Variants in SRPK2 observed in about 807,000 individuals in gnomAD.
SRPK2 encodes the protein SRSF protein kinase 2, also known as SFRS protein kinase 2.
In SRPK2, 21 loss-of-function variants were observed where a neutral mutation model predicts 90.8. The ratio of observed to expected loss-of-function variants is 0.23; its 90% CI spans 0.16 to 0.33. SRPK2 has a LOEUF of 0.33. Among genes scored for constraint, SRPK2 ranks in the 10% least tolerant of loss-of-function variants. SRPK2 has a pLI of 1.00. For synonymous variants in SRPK2, 288 were observed against 311.1 expected (o/e 0.93, Z 0.78); for missense variants, 620 against 869.0 (o/e 0.71, Z 3.60).
At chr7:105,210,029 AACTC>A (rs768068409) in intron 2 of SRPK2, among the ~76,000 whole-genome samples, 4 of 152,184 alleles carry the variant, frequency 2.6e-5, no homozygotes, top group Non-Finnish European at 5.9e-5. Context: ...AGGGAGGAAA[AACTC>A]AACAACCGAG....
At chr7:105,190,861 C>A (rs2129604556) in intron 3 of SRPK2, among the ~76,000 whole-genome samples, 1 of 152,286 alleles carries the variant, frequency 6.6e-6, no homozygotes, top group South Asian at 2.1e-4. Context: ...CAACATCTTC[C>A]CCAATCCAAC....
intron 2 of SRPK2, among the ~76,000 whole-genome samples, chr7:105,266,726 G>A (rs1221817917): frequency 6.6e-6 from 1 of 152,032 alleles, no homozygotes; most frequent in Non-Finnish European, 1.5e-5. Context: ...TAATGATAAT[G>A]CTACATGATA....
chr7:105,224,966 C>T (rs1430207732), intron 2 of SRPK2, among the ~76,000 whole-genome samples: 2 of 152,154 alleles, frequency 1.3e-5, no homozygotes, highest in African/African-American at 4.8e-5. Context: ...GAAAACTTCC[C>T]TTTCCTTACT....
At chr7:105,369,021 AG>A (rs998922541) in intron 2 of SRPK2, among the ~76,000 whole-genome samples, 5 of 151,938 alleles carry the variant, frequency 3.3e-5, no homozygotes, top group Admixed American at 1.3e-4. Context: ...CCAATGGACA[AG>A]GGGAAGGCCA....
chr7:105,350,483 T>C (rs1817036096), intron 2 of SRPK2, among the ~76,000 whole-genome samples: 1 of 151,862 alleles, frequency 6.6e-6, no homozygotes. Context: ...CAGCTGAATT[T>C]TTACTTGATC....
chr7:105,348,920 C>A (rs1816803875), intron 2 of SRPK2, among the ~76,000 whole-genome samples: 1 of 151,490 alleles, frequency 6.6e-6, no homozygotes, highest in Non-Finnish European at 1.5e-5. Flanking sequence ...CCAAGGCGGG[C>A]AGATCACCTG....
chr7:105,243,964 TTAA>T (rs1453740859), intron 2 of SRPK2, among the ~76,000 whole-genome samples: 25 of 152,264 alleles, frequency 1.6e-4, no homozygotes, highest in African/African-American at 6.0e-4. Flanking sequence ...AACTCTGCCA[TTAA>T]TAAGATGAGT....
rs1198455525 is a variant in SRPK2 at position 105,124,995 on chromosome 7, G to C, written c.1915+1253C>G. On this transcript the variant is annotated intron_variant, in intron 15 of 15. Transcript: ENST00000393651. The stretch of plus-strand genomic sequence containing the variant: ...AAAAATACAAAAATTAGCTGGGCGT[G>C]GTGGTGTGCCTGTAATCCCAGCTAC... Among the ~76,000 whole-genome samples the C allele has an allele frequency of 6.6e-5, 10 of 151,914 alleles. No individual in the cohort carries two copies. In the East Asian group the frequency reaches 1.9e-3, roughly 30 times the overall value.
chr7:105,177,455 T>C (rs1019137858), intron 3 of SRPK2, among the ~76,000 whole-genome samples: 5 of 152,218 alleles, frequency 3.3e-5, no homozygotes, highest in African/African-American at 4.8e-5. Flanking sequence ...ATGAATATTA[T>C]TGAAATATCT....
chr7:105,314,142 C>T (rs1812046983), intron 2 of SRPK2, among the ~76,000 whole-genome samples: 1 of 151,774 alleles, frequency 6.6e-6, no homozygotes, highest in African/African-American at 2.4e-5. Context: ...ACCAGCCTGG[C>T]CAACATGGTG....
intron 2 of SRPK2, among the ~76,000 whole-genome samples, chr7:105,216,648 C>T (rs978028971): frequency 5.2e-5 from 5 of 95,984 alleles, no homozygotes; most frequent in East Asian, 2.3e-4. Context: ...GAATGAGACC[C>T]TGTCTCCAAA....
intron 2 of SRPK2, among the ~76,000 whole-genome samples, chr7:105,336,706 A>T (rs1389771208): frequency 6.6e-6 from 1 of 152,244 alleles, no homozygotes; most frequent in African/African-American, 2.4e-5. Flanking sequence ...TTTTAAAAGC[A>T]TAACAAATTT....
At chr7:105,126,440 T>C (rs1221009756) in intron 14 of SRPK2, 100 bp from the exon 15 acceptor site, 32 of 868,044 alleles carry the variant, frequency 3.7e-5, no homozygotes, top group Admixed American at 6.5e-5. Context: ...AAATCAGAAA[T>C]AGATTCAAAT....
At chr7:105,383,052 AATTTTTTTTTTTTT>A (rs1287734919) in intron 2 of SRPK2, among the ~76,000 whole-genome samples, 91 of 105,324 alleles carry the variant, frequency 8.6e-4, no homozygotes, top group East Asian at 2.5e-3. Flanking sequence ...CAAAAGTAAA[AATTTTTTTTTTTTT>A]TTTTTTTTTT....
intron 2 of SRPK2, among the ~76,000 whole-genome samples, chr7:105,342,964 C>A (rs74736004): frequency 0.06 from 9,182 of 152,264 alleles, 429 homozygotes; most frequent in Non-Finnish European, 0.094. Context: ...TGCTAAGGGC[C>A]TGAAAAATTT....
Position 105,248,436 on chromosome 7 carries a change from T to TAA in SRPK2, c.72-44653_72-44652dup, listed in dbSNP as rs56040288. ...CGAGATGCCATCTTTACAAAAAATT[T>TAA]AAAAAAAAAAAAAAAAAAAAAGTCA... is the stretch of plus-strand genomic sequence containing the variant. On this transcript the variant is annotated intron_variant, in intron 2 of 15. Coordinates refer to ENST00000393651, the MANE Select transcript of SRPK2 (RefSeq NM_182692.3). Among the ~76,000 whole-genome samples, 453 of 127,862 alleles carry TAA rather than the reference T, an allele frequency of 3.5e-3. 3 individuals carry two copies. The highest frequency in any genetic ancestry group is 0.018 in the East Asian group (80 of 4,526). 83.9% of individuals were successfully genotyped at this position (127,862 alleles called of 152,430 possible).
At chr7:105,191,602 A>C (rs894445166) in intron 3 of SRPK2, among the ~76,000 whole-genome samples, 4 of 152,144 alleles carry the variant, frequency 2.6e-5, no homozygotes, top group African/African-American at 9.7e-5. Context: ...TTCAGAGTAC[A>C]CTAAAATAAA....
Position 105,263,420 on chromosome 7 carries a change from G to A in SRPK2, c.72-59635C>T, listed in dbSNP as rs118182451. Among the ~76,000 whole-genome samples, 785 of 151,972 alleles carry A rather than the reference G, an allele frequency of 5.2e-3. 12 individuals carry two copies. In the East Asian group the frequency reaches 0.055, roughly 11 times the overall value. On this transcript the variant is annotated intron_variant, in intron 2 of 15. Coordinates refer to ENST00000393651, the MANE Select transcript of SRPK2 (RefSeq NM_182692.3). Reference sequence around the variant, plus strand: ...TGCTCATTAATAGAATGAATAAACTGAGGTATATTCATGAATACTGTACAG... The same window carrying A: ...TGCTCATTAATAGAATGAATAAACTAAGGTATATTCATGAATACTGTACAG...
At chr7:105,253,085 A>C (rs1339268772) in intron 2 of SRPK2, among the ~76,000 whole-genome samples, 1 of 152,194 alleles carries the variant, frequency 6.6e-6, no homozygotes, top group Non-Finnish European at 1.5e-5. Flanking sequence ...ATCATAATTA[A>C]CTGCGTAAAA....
Sources: allele counts gnomAD v4.1 joint callset (sites outside exome capture counted in the v4.1 genomes callset), GRCh38; gene constraint gnomAD v4.1.1; transcripts MANE v1.5; gene names NCBI Gene and HGNC (gene_info 2026-07-23, HGNC 2026-07-21).